AKAP19: variants seen among roughly 807,000 people sequenced by gnomAD.
AKAP19 encodes A-kinase anchoring protein 19, also known as small A-kinase anchoring protein.
the AKAP19 span, among the ~76,000 whole-genome samples, chr2:190,021,359 A>G: frequency 6.6e-6 from 1 of 152,154 alleles, no homozygotes; most frequent in Non-Finnish European, 1.5e-5. Context: ...ATTTTATTAT[A>G]GTTTCTTGGG....
At chr2:190,167,437 C>T in the AKAP19 span, among the ~76,000 whole-genome samples, 2 of 152,160 alleles carry the variant, frequency 1.3e-5, no homozygotes, top group African/African-American at 4.8e-5. Flanking sequence ...ATCTCATGTT[C>T]TCATATTTCA....
chr2:190,130,724 G>A, the AKAP19 span, among the ~76,000 whole-genome samples: 16 of 152,150 alleles, frequency 1.1e-4, no homozygotes, highest in Non-Finnish European at 2.4e-4. Context: ...TTATTCCTAT[G>A]CTAAATAGTT....
the AKAP19 span, among the ~76,000 whole-genome samples, chr2:190,129,307 C>G: frequency 6.6e-6 from 1 of 151,976 alleles, no homozygotes; most frequent in Non-Finnish European, 1.5e-5. Context: ...AAAATTGGAC[C>G]CATAAATTAT....
At chr2:190,090,644 C>G in the AKAP19 span, among the ~76,000 whole-genome samples, 1 of 152,268 alleles carries the variant, frequency 6.6e-6, no homozygotes, top group African/African-American at 2.4e-5. Flanking sequence ...GAGTCCTAGC[C>G]TGTGTAAGGT....
the AKAP19 span, among the ~76,000 whole-genome samples, chr2:190,126,973 G>A: frequency 6.6e-6 from 1 of 152,000 alleles, no homozygotes; most frequent in Non-Finnish European, 1.5e-5. Context: ...AAGCCAGCTG[G>A]CCACATCTTC....
the AKAP19 span, among the ~76,000 whole-genome samples, chr2:189,975,230 T>G: frequency 6.6e-6 from 1 of 152,188 alleles, no homozygotes; most frequent in Non-Finnish European, 1.5e-5. Context: ...TATTTCTCCT[T>G]CACTTATGAA....
At chr2:189,916,258 A>G in the AKAP19 span, among the ~76,000 whole-genome samples, 4 of 151,964 alleles carry the variant, frequency 2.6e-5, no homozygotes, top group Non-Finnish European at 4.4e-5. Flanking sequence ...TAAAGACAGA[A>G]TATTTTCATT....
At chr2:190,131,161 A>G in the AKAP19 span, among the ~76,000 whole-genome samples, 2 of 152,176 alleles carry the variant, frequency 1.3e-5, no homozygotes, top group Admixed American at 1.3e-4. Flanking sequence ...GATCCTAAAT[A>G]TCCCTTGTAG....
the AKAP19 span, among the ~76,000 whole-genome samples, chr2:190,157,470 T>C: frequency 1.3e-5 from 2 of 152,096 alleles, no homozygotes; most frequent in African/African-American, 4.8e-5. Context: ...GTTAACATTT[T>C]AACTTTTGGA....
At chr2:190,141,874 C>T in the AKAP19 span, among the ~76,000 whole-genome samples, 1 of 152,170 alleles carries the variant, frequency 6.6e-6, no homozygotes, top group Admixed American at 6.5e-5. Context: ...AAATCTTTCT[C>T]CTCGTGCTGA....
chr2:190,017,567 A>C, the AKAP19 span, among the ~76,000 whole-genome samples: 1 of 152,092 alleles, frequency 6.6e-6, no homozygotes, highest in Non-Finnish European at 1.5e-5. Context: ...CCGCCATTTT[A>C]CATTTTTGAT....
the AKAP19 span, among the ~76,000 whole-genome samples, chr2:190,157,112 C>G: frequency 1.3e-5 from 2 of 152,124 alleles, no homozygotes; most frequent in African/African-American, 4.8e-5. Context: ...GCTAGGCCCT[C>G]TTTTGATCCT....
chr2:189,992,955 T>C, the AKAP19 span, among the ~76,000 whole-genome samples: 2 of 152,232 alleles, frequency 1.3e-5, no homozygotes, highest in African/African-American at 4.8e-5. Context: ...AATCATATCA[T>C]TGGTGAACAG....
chr2:189,931,044 G>T, the AKAP19 span: 3 of 518,038 alleles, frequency 5.8e-6, no homozygotes, highest in African/African-American at 4.0e-5. Context: ...TGTGATCTGT[G>T]CACTGACAGT....
At chr2:189,924,096 T>A in the AKAP19 span, 8 of 1,550,204 alleles carry the variant, frequency 5.2e-6, no homozygotes, top group Non-Finnish European at 7.0e-6. Context: ...GGGGACCTAC[T>A]GGATGATGAT....
chr2:189,910,363 T>A, the AKAP19 span, among the ~76,000 whole-genome samples: 1 of 151,990 alleles, frequency 6.6e-6, no homozygotes, highest in Non-Finnish European at 1.5e-5. Flanking sequence ...TTATTGTGGT[T>A]TGTTGTTTTG....
the AKAP19 span, among the ~76,000 whole-genome samples, chr2:189,892,203 G>A: frequency 2.6e-5 from 4 of 151,836 alleles, no homozygotes; most frequent in African/African-American, 7.3e-5. Flanking sequence ...AGAGGAGTTC[G>A]TTATTACCCA....
chr2:190,097,009 G>A, the AKAP19 span, among the ~76,000 whole-genome samples: 1 of 152,158 alleles, frequency 6.6e-6, no homozygotes, highest in Non-Finnish European at 1.5e-5. Flanking sequence ...ATTTTGGCGA[G>A]AGACACAAAC....
chr2:190,183,390 AAT>A, the AKAP19 span, among the ~76,000 whole-genome samples: 1 of 152,178 alleles, frequency 6.6e-6, no homozygotes, highest in South Asian at 2.1e-4. Flanking sequence ...TTATGAGAAA[AAT>A]GTCTTGCTGA....
Sources: allele counts gnomAD v4.1 joint callset (sites outside exome capture counted in the v4.1 genomes callset), GRCh38; gene constraint gnomAD v4.1.1; transcripts MANE v1.5; gene names NCBI Gene and HGNC (gene_info 2026-07-23, HGNC 2026-07-21).